Variants in TBX6 observed in about 807,000 individuals in gnomAD.
TBX6 encodes the protein T-box transcription factor 6.
TBX6 carries 29 observed loss-of-function variants against 42.3 expected under a neutral mutation model. The ratio of observed to expected loss-of-function variants is 0.69; its 90% CI spans 0.51 to 0.93. The LOEUF is 0.93. TBX6 is among the 40% of genes least tolerant of loss of function. The pLI is 0.00. For missense variants in TBX6, 569 were observed against 603.3 expected, an observed-to-expected ratio of 0.94 and a Z score of 0.59; for synonymous variants, 249 against 245.1, an observed-to-expected ratio of 1.02 and a Z score of -0.15.
At chr16:30,090,684 T>C in intron 3 of TBX6, 74 bp downstream of exon 3, 2 of 1,462,142 alleles carry the variant, frequency 1.4e-6, no homozygotes, top group Non-Finnish European at 1.8e-6. Flanking sequence ...CACCCAGTCC[T>C]AGCCCCCTCC....
chr16:30,086,397 G>T lies in TBX6; in HGVS notation c.1139C>A (p.Ala380Asp). The change falls in exon 9 of 9, where the codon GCC becomes GAC. Residue 380 changes from alanine to aspartate, a missense_variant. By Grantham distance (126) the Ala-to-Asp change is moderately radical (BLOSUM62 -2). This residue lies in a region of TBX6 where 245 missense variants were observed against 227.4 expected (regional missense o/e 1.08). Transcript: ENST00000395224. The surrounding 1 kb of genome is among the most constrained non-coding windows in gnomAD (Gnocchi z 4.6). ...FPEAPDSGRS[A>D]PYSAAFLELP... ...CTCCAGAAATGCAGCCGAGTAGGGG[G>T]CTGAGCGCCCGGAGTCTGGAGCCTC... 6.4e-7 allele frequency: 1 copy of T among 1,558,402 alleles called. No individual in the cohort carries two copies. Among genetic ancestry groups the T allele is most frequent in the Non-Finnish European group, 8.6e-7 (1 of 1,160,124 alleles).
Position 30,086,099 on chromosome 16 carries a change from G to C in TBX6, c.*126C>G, listed in dbSNP as rs1407262218. Reference sequence around the variant, plus strand: ...TGAAATCAAGGTGTGAAGTTGAGGGGGTGGGTGGGCAGGCCCAAGGCGGCC... The same window carrying C: ...TGAAATCAAGGTGTGAAGTTGAGGGCGTGGGTGGGCAGGCCCAAGGCGGCC... On this transcript the variant is annotated 3_prime_UTR_variant, in exon 9 of 9. Coordinates refer to ENST00000395224, the MANE Select transcript of TBX6 (RefSeq NM_004608.4). This position sits in a 1 kb window ranked among gnomAD's most constrained non-coding sequence, Gnocchi z 4.6. 2 of 890,954 alleles carry C rather than the reference G, an allele frequency of 2.2e-6. No individual in the cohort carries two copies. Among genetic ancestry groups the C allele is most frequent in the Admixed American group, 2.9e-5 (1 of 34,192 alleles). 55.2% of individuals were successfully genotyped at this position (890,954 alleles called of 1,614,324 possible).
rs370175339 is a variant in TBX6, at chr16:30,088,848, G to T, written c.622-9C>A. On this transcript the variant is annotated splice_polypyrimidine_tract_variant and intron_variant, in intron 4 of 8. Transcript: ENST00000395224. This position sits in a 1 kb window ranked among gnomAD's most constrained non-coding sequence, Gnocchi z 4.1. Reference sequence around the variant, plus strand: ...ATGGAGTGCAGGATCAGCTGGGAGGGAGGAAATGGGAGTGATTCCCTGCCC... The same window carrying T: ...ATGGAGTGCAGGATCAGCTGGGAGGTAGGAAATGGGAGTGATTCCCTGCCC... 1 of 1,612,578 alleles carries T rather than the reference G, an allele frequency of 6.2e-7. No individual in the cohort carries two copies. Among genetic ancestry groups the T allele is most frequent in the African/African-American group, 1.3e-5 (1 of 74,918 alleles).
Position 30,085,978 on chromosome 16 carries a change from CCAT to C in TBX6, c.*244_*246del. 1 of 512,532 alleles carries C rather than the reference CCAT, an allele frequency of 2.0e-6. No homozygotes were observed. Among genetic ancestry groups the C allele is most frequent in the Non-Finnish European group, 3.4e-6 (1 of 291,092 alleles). 31.7% of individuals were successfully genotyped at this position (512,532 alleles called of 1,614,324 possible). A position where few individuals can be genotyped will look rare whatever the true frequency, so the allele number is the denominator to read the frequency against. ...CCCATTTGGCCAGGCAGAGCCCCTT[CCAT>C]TCACACGGAGGTGAGAGCCGGGAAG... On this transcript the variant is annotated 3_prime_UTR_variant, in exon 9 of 9. Coordinates refer to ENST00000395224, the MANE Select transcript of TBX6 (RefSeq NM_004608.4).
chr16:30,091,038 C>G (rs2072715151), intron 2 of TBX6, 38 bp downstream of exon 2: 1 of 1,593,820 alleles, frequency 6.3e-7, no homozygotes, highest in Non-Finnish European at 8.5e-7. Flanking sequence ...GCCACAGCCC[C>G]CCTATTCTCC....
In TBX6 at chr16:30,086,759, C is replaced by G. The variant is rs546541567; in HGVS notation, c.913+19G>C. 2 of 1,613,854 alleles carry G rather than the reference C, an allele frequency of 1.2e-6. No individual in the cohort carries two copies. Among genetic ancestry groups the G allele is most frequent in the African/African-American group, 1.3e-5 (1 of 75,004 alleles). On this transcript the variant is annotated intron_variant, in intron 7 of 8. Coordinates refer to ENST00000395224, the MANE Select transcript of TBX6 (RefSeq NM_004608.4). This position sits in a 1 kb window ranked among gnomAD's most constrained non-coding sequence, Gnocchi z 4.6. ...CCCTGTCTCAGGCCTGGCCCCATCG[C>G]CATCGGGACTACACTCACCTCCGCT...
Position 30,086,011 on chromosome 16 carries a change from A to AGCC in TBX6, c.*211_*213dup. ...ACGGAGGTGAGAGCCGGGAAGGGGAAGCCGGCCCCAGCTGGACTCCCAGCA... is the reference window on the plus strand; with the variant it reads ...ACGGAGGTGAGAGCCGGGAAGGGGAAGCCGCCGGCCCCAGCTGGACTCCCAGCA... On this transcript the variant is annotated 3_prime_UTR_variant, in exon 9 of 9. Coordinates refer to ENST00000395224, the MANE Select transcript of TBX6 (RefSeq NM_004608.4). This position sits in a 1 kb window ranked among gnomAD's most constrained non-coding sequence, Gnocchi z 4.6. The AGCC allele has an allele frequency of 3.8e-6, 2 of 528,608 alleles. No individual in the cohort carries two copies. Among genetic ancestry groups the AGCC allele is most frequent in the Non-Finnish European group, 6.6e-6 (2 of 303,252 alleles). The allele number at this position is 528,608 out of a possible 1,614,324, so 32.7% of individuals were successfully genotyped here.
rs1407700352 is a variant in TBX6 at position 30,086,793 on chromosome 16, C to A, written c.898G>T (p.Ala300Ser). 6.2e-7 allele frequency: 1 copy of A among 1,613,884 alleles called. No homozygotes were observed. Among genetic ancestry groups the A allele is most frequent in the African/African-American group, 1.3e-5 (1 of 74,878 alleles). The part of the protein sequence containing the change: ...LRGPEPAATE[A>S]YGSGDTPGGP... The stretch of plus-strand genomic sequence containing the variant: ...CTACACTCACCTCCGCTCCCATAGG[C>A]CTCTGTGGCTGCTGGCTCTGGGCCC... The change falls in exon 7 of 9, where the codon GCC becomes TCC. Residue 300 changes from alanine to serine, a missense_variant. Physicochemically the swap from Ala to Ser is moderately conservative, Grantham distance 99. This residue lies in a region of TBX6 where 245 missense variants were observed against 227.4 expected (regional missense o/e 1.08). Transcript: ENST00000395224. The surrounding 1 kb of genome is among the most constrained non-coding windows in gnomAD (Gnocchi z 4.6).
chr16:30,086,103 G>C lies in TBX6; in HGVS notation c.*122C>G. 1 of 956,488 alleles carries C rather than the reference G, an allele frequency of 1.0e-6. No individual in the cohort carries two copies. The highest frequency in any genetic ancestry group is 1.6e-5 in the South Asian group (1 of 63,064). The allele number at this position is 956,488 out of a possible 1,614,324, so 59.3% of individuals were successfully genotyped here. A position where few individuals can be genotyped will look rare whatever the true frequency, so the allele number is the denominator to read the frequency against. ...ATCAAGGTGTGAAGTTGAGGGGGTGGGTGGGCAGGCCCAAGGCGGCCATTT... is the reference window on the plus strand; with the variant it reads ...ATCAAGGTGTGAAGTTGAGGGGGTGCGTGGGCAGGCCCAAGGCGGCCATTT... On this transcript the variant is annotated 3_prime_UTR_variant, in exon 9 of 9. Transcript: ENST00000395224. This position sits in a 1 kb window ranked among gnomAD's most constrained non-coding sequence, Gnocchi z 4.6.
In TBX6 at chr16:30,088,237, CTCTCT is replaced by C. The variant is rs1225606125; in HGVS notation, c.839+303_839+307del. On this transcript the variant is annotated intron_variant, in intron 6 of 8. Coordinates refer to ENST00000395224, the MANE Select transcript of TBX6 (RefSeq NM_004608.4). This position sits in a 1 kb window ranked among gnomAD's most constrained non-coding sequence, Gnocchi z 4.1. ...ACATGCGTGAGCCACCACACCTGGTCTCTCTTCTCTTTAGAATGGCTTCCTAACAG... is the reference window on the plus strand; with the variant it reads ...ACATGCGTGAGCCACCACACCTGGTCTCTCTTTAGAATGGCTTCCTAACAG... The C allele has an allele frequency of 4.3e-5, 17 of 399,234 alleles. No individual in the cohort carries two copies. Among genetic ancestry groups the C allele is most frequent in the Admixed American group, 7.5e-5 (2 of 26,652 alleles). 24.7% of individuals were successfully genotyped at this position (399,234 alleles called of 1,614,324 possible).
At position 30,091,058 on chromosome 16, in the gene TBX6, G is replaced by A. The variant is rs1397640401; in HGVS notation, c.118+18C>T. 2 of 1,588,320 alleles carry A rather than the reference G, an allele frequency of 1.3e-6. No individual in the cohort carries two copies. ...AGCCCCCCTATTCTCCTACCCAGGA[G>A]CTGGTCCCAACGCTCACCGGGGTAG... On this transcript the variant is annotated intron_variant, in intron 2 of 8. Coordinates refer to ENST00000395224, the MANE Select transcript of TBX6 (RefSeq NM_004608.4).
chr16:30,087,898 CTTTTTTT>C (rs55866227), intron 6 of TBX6: 6 of 68,936 alleles, frequency 8.7e-5, no homozygotes, highest in East Asian at 4.0e-4. Context: ...TCTTTTTTTT[CTTTTTTT>C]TTTTTTTTTT....
chr16:30,091,281 TC>T, intron 1 of TBX6, 40 bp from the exon 2 acceptor site: 2 of 1,107,492 alleles, frequency 1.8e-6, no homozygotes, highest in Non-Finnish European at 1.3e-6. Context: ...CTCAGCCCCT[TC>T]CAGATCCAGG....
chr16:30,089,969 G>A (rs1266170596), intron 3 of TBX6, among the ~76,000 whole-genome samples: 2 of 150,754 alleles, frequency 1.3e-5, no homozygotes. Context: ...GCCAGAGGGC[G>A]GAATCTTAGA....
rs780789603 is a variant in TBX6, at chr16:30,088,632, A to G, written c.769-17T>C. The G allele has an allele frequency of 6.2e-7, 1 of 1,614,038 alleles. No individual in the cohort carries two copies. Among genetic ancestry groups the G allele is most frequent in the African/African-American group, 1.3e-5 (1 of 74,906 alleles). ...TTGTGTGATCTGGGGACACACATGC[A>G]GGGTCAAAGCAACTGCGGTCTGGGC... On this transcript the variant is annotated splice_polypyrimidine_tract_variant and intron_variant, in intron 5 of 8. Coordinates refer to ENST00000395224, the MANE Select transcript of TBX6 (RefSeq NM_004608.4). The surrounding 1 kb of genome is among the most constrained non-coding windows in gnomAD (Gnocchi z 4.1).
In TBX6 at chr16:30,091,066, C is replaced by T. The variant is rs772237311; in HGVS notation, c.118+10G>A. On this transcript the variant is annotated intron_variant, in intron 2 of 8. Coordinates refer to ENST00000395224, the MANE Select transcript of TBX6 (RefSeq NM_004608.4). ...TATTCTCCTACCCAGGAGCTGGTCCCAACGCTCACCGGGGTAGCGGTAGCC... is the reference window on the plus strand; with the variant it reads ...TATTCTCCTACCCAGGAGCTGGTCCTAACGCTCACCGGGGTAGCGGTAGCC... 1 of 1,585,604 alleles carries T rather than the reference C, an allele frequency of 6.3e-7. No individual in the cohort carries two copies. The highest frequency in any genetic ancestry group is 8.6e-7 in the Non-Finnish European group (1 of 1,166,128).
rs1323858074 is a variant in TBX6 at position 30,090,738 on chromosome 16, G to T, written c.353+20C>A. 1 of 1,607,046 alleles carries T rather than the reference G, an allele frequency of 6.2e-7. No homozygotes were observed. Among genetic ancestry groups the T allele is most frequent in the Non-Finnish European group, 8.5e-7 (1 of 1,176,522 alleles). ...CCAAGAGACCCCCACCAGAAACACG[G>T]ACCCTGGCCAGCCCCTCACCTCCCA... On this transcript the variant is annotated intron_variant, in intron 3 of 8. Coordinates refer to ENST00000395224, the MANE Select transcript of TBX6 (RefSeq NM_004608.4).
Position 30,091,008 on chromosome 16 carries a change from G to A in TBX6, c.119-16C>T, listed in dbSNP as rs2072714366. The A allele has an allele frequency of 1.2e-6, 2 of 1,608,040 alleles. No individual in the cohort carries two copies. The highest frequency in any genetic ancestry group is 2.7e-5 in the African/African-American group (2 of 74,848). On this transcript the variant is annotated splice_polypyrimidine_tract_variant and intron_variant, in intron 2 of 8. Coordinates refer to ENST00000395224, the MANE Select transcript of TBX6 (RefSeq NM_004608.4). ...GTGTCCAGTTCTGGAAGCCGGGGAA[G>A]AATGAGGAGCCAGCCGAGGGCCACA...
Position 30,091,121 on chromosome 16 carries a change from C to CGGCCCCAGGTTGGGCG in TBX6, c.57_72dup (p.Asp25ArgfsTer26), listed in dbSNP as rs764116815. The CGGCCCCAGGTTGGGCG allele has an allele frequency of 6.3e-7, 1 of 1,589,128 alleles. No individual in the cohort carries two copies. The highest frequency in any genetic ancestry group is 8.6e-7 in the Non-Finnish European group (1 of 1,169,236). On this transcript the variant is annotated frameshift_variant, in exon 2 of 9. Coordinates refer to ENST00000395224, the MANE Select transcript of TBX6 (RefSeq NM_004608.4). LOFTEE classifies it high-confidence loss of function. Reference sequence around the variant, plus strand: ...GCTAGGGCGGGTGGGAAGCTGGAGTCGGCCCCAGGTTGGGCGGGCCCCAGG... The same window carrying CGGCCCCAGGTTGGGCG: ...GCTAGGGCGGGTGGGAAGCTGGAGTCGGCCCCAGGTTGGGCGGGCCCCAGGTTGGGCGGGCCCCAGG...
Sources: gnomAD v4.1 joint callset for allele counts (sites outside exome capture counted in the v4.1 genomes callset) on GRCh38, gnomAD v4.1.1 for gene constraint, gnomAD v4.1.1 regional missense constraint, Gnocchi (gnomAD v3.1) non-coding constraint, MANE v1.5 for transcripts, NCBI Gene and HGNC (gene_info 2026-07-23, HGNC 2026-07-21) for gene names.